The following FER variants were observed in gnomAD, a reference collection of about 807,000 sequenced individuals.
FER encodes the protein tyrosine-protein kinase Fer.
In FER, 63 loss-of-function variants were observed where a neutral mutation model predicts 111.0. That is an observed-to-expected ratio of 0.57 (90% CI 0.46 to 0.70). The LOEUF is 0.70. Among genes scored for constraint, FER ranks in the 30% least tolerant of loss-of-function variants. The pLI, the probability that FER is intolerant of heterozygous loss-of-function variation, is 0.00. For synonymous variants in FER, 327 were observed against 313.9 expected (o/e 1.04, Z -0.44); for missense variants, 914 against 954.0 (o/e 0.96, Z 0.55).
At chr5:109,091,079 G>A (rs1401478967) in intron 16 of FER, among the ~76,000 whole-genome samples, 1 of 152,226 alleles carries the variant, frequency 6.6e-6, no homozygotes, top group African/African-American at 2.4e-5. Context: ...AGAAACCACT[G>A]AAGGTGTGGT....
intron 16 of FER, among the ~76,000 whole-genome samples, chr5:109,058,462 C>G (rs74903499): frequency 0.051 from 7,735 of 152,040 alleles, 254 homozygotes; most frequent in South Asian, 0.084. Context: ...TGGTAAGATA[C>G]TGTAGTATTA....
At chr5:109,114,243 G>A (rs773376547) in intron 17 of FER, among the ~76,000 whole-genome samples, 18 of 151,926 alleles carry the variant, frequency 1.2e-4, no homozygotes, top group Non-Finnish European at 2.5e-4. Flanking sequence ...GCATACCCAG[G>A]ACTAAATTTA....
intron 10 of FER, among the ~76,000 whole-genome samples, chr5:108,932,192 C>T (rs1321038785): frequency 6.6e-6 from 1 of 152,122 alleles, no homozygotes; most frequent in African/African-American, 2.4e-5. Context: ...CCCTGACAGG[C>T]CCTGGTGTGT....
At chr5:108,930,642 A>T (rs1461277697) in intron 10 of FER, among the ~76,000 whole-genome samples, 1 of 108,798 alleles carries the variant, frequency 9.2e-6, no homozygotes, top group Non-Finnish European at 1.8e-5. Context: ...CCTTTTTGAG[A>T]CAGGGTCTCG....
At chr5:108,860,833 C>G (rs948755491) in intron 5 of FER, among the ~76,000 whole-genome samples, 1 of 152,050 alleles carries the variant, frequency 6.6e-6, no homozygotes, top group African/African-American at 2.4e-5. Context: ...CTGGGGAGGC[C>G]TCAGGAAACT....
intron 16 of FER, among the ~76,000 whole-genome samples, chr5:109,069,362 C>T (rs535108821): frequency 1.3e-5 from 2 of 152,220 alleles, no homozygotes; most frequent in African/African-American, 2.4e-5. Flanking sequence ...CAAAGTTAGA[C>T]GACACATGGA....
At chr5:109,160,948 A>T (rs10477438) in intron 17 of FER, among the ~76,000 whole-genome samples, 57,331 of 151,962 alleles carry the variant, frequency 0.38, 11,055 homozygotes, top group Non-Finnish European at 0.4. Context: ...CCACACCTTG[A>T]TATATTATCT....
At chr5:108,861,341 A>G (rs969194536) in intron 5 of FER, among the ~76,000 whole-genome samples, 1 of 152,350 alleles carries the variant, frequency 6.6e-6, no homozygotes, top group Non-Finnish European at 1.5e-5. Context: ...TCAAACTTAC[A>G]TAATTGAGTT....
At chr5:109,134,872 G>T (rs1373958113) in intron 17 of FER, among the ~76,000 whole-genome samples, 2 of 152,182 alleles carry the variant, frequency 1.3e-5, no homozygotes, top group African/African-American at 4.8e-5. Context: ...CATGGCTAAG[G>T]CAAAGAGTCT....
intron 13 of FER, chr5:109,015,053 T>C (rs1270898695): frequency 6.6e-6 from 1 of 152,138 alleles, no homozygotes; most frequent in Non-Finnish European, 1.5e-5. Flanking sequence ...TCTTCAGAAA[T>C]AATTTCAGAC....
intron 16 of FER, among the ~76,000 whole-genome samples, chr5:109,079,990 A>T (rs1273884687): frequency 1.3e-5 from 2 of 152,098 alleles, no homozygotes; most frequent in East Asian, 3.8e-4. Context: ...CTCTACATTT[A>T]AGCTTATAGG....
chr5:109,090,532 C>G (rs1345354416), intron 16 of FER, among the ~76,000 whole-genome samples: 1 of 151,914 alleles, frequency 6.6e-6, no homozygotes, highest in African/African-American at 2.4e-5. Flanking sequence ...AATTACCTGA[C>G]AAATAATTCA....
chr5:109,003,262 A>G (rs1229650327), intron 13 of FER, among the ~76,000 whole-genome samples: 2 of 152,250 alleles, frequency 1.3e-5, no homozygotes, highest in Non-Finnish European at 2.9e-5. Context: ...TGTGGCACAT[A>G]TACACCATGT....
At chr5:108,944,552 A>G (rs1248133146) in intron 10 of FER, among the ~76,000 whole-genome samples, 1 of 152,172 alleles carries the variant, frequency 6.6e-6, no homozygotes, top group Admixed American at 6.6e-5. Flanking sequence ...TTTTAAAAGT[A>G]GCCATTTGAT....
intron 2 of FER, among the ~76,000 whole-genome samples, chr5:108,794,689 G>C (rs1288575981): frequency 1.3e-5 from 2 of 150,742 alleles, no homozygotes; most frequent in Non-Finnish European, 2.9e-5. Context: ...TTTTCCTTCA[G>C]CACTTCAAAT....
At chr5:109,023,035 T>C (rs1768141112) in intron 13 of FER, among the ~76,000 whole-genome samples, 1 of 152,098 alleles carries the variant, frequency 6.6e-6, no homozygotes, top group African/African-American at 2.4e-5. Context: ...TTTTCTTATG[T>C]GTAAAATGTA....
rs576499374 is a variant in FER, at chr5:109,009,100, T to A, written c.1657-28322T>A. Among the ~76,000 whole-genome samples, 3 of 140,342 alleles carry A rather than the reference T, an allele frequency of 2.1e-5. No homozygotes were observed. In the South Asian group the frequency reaches 7.2e-4, roughly 33 times the overall value. 92.1% of individuals were successfully genotyped at this position (140,342 alleles called of 152,430 possible). Reference sequence around the variant, plus strand: ...TCTCACTCTGTTGTCTAGGCTGGAATGCACTGGCGTGATCTCGGCTCCCTG... The same window carrying A: ...TCTCACTCTGTTGTCTAGGCTGGAAAGCACTGGCGTGATCTCGGCTCCCTG... On this transcript the variant is annotated intron_variant, in intron 13 of 19. Coordinates refer to ENST00000281092, the MANE Select transcript of FER (RefSeq NM_005246.4).
intron 5 of FER, among the ~76,000 whole-genome samples, chr5:108,862,902 G>T (rs1284441979): frequency 6.6e-6 from 1 of 151,918 alleles, no homozygotes; most frequent in Non-Finnish European, 1.5e-5. Context: ...GGCAGCTTCT[G>T]TAGCAGGAGT....
chr5:109,162,075 A>C (rs1426397009), intron 17 of FER, among the ~76,000 whole-genome samples: 1 of 151,976 alleles, frequency 6.6e-6, no homozygotes, highest in East Asian at 1.9e-4. Context: ...TTCATGTCCT[A>C]TACCTACTTT....
Sources: gnomAD v4.1 joint callset for allele counts (sites outside exome capture counted in the v4.1 genomes callset) on GRCh38, gnomAD v4.1.1 for gene constraint, MANE v1.5 for transcripts, NCBI Gene and HGNC (gene_info 2026-07-23, HGNC 2026-07-21) for gene names.